The following SNCAIP variants were observed in gnomAD, a reference collection of about 807,000 sequenced individuals.
SNCAIP encodes the protein synuclein alpha interacting protein.
In SNCAIP, 43 loss-of-function variants were observed where a neutral mutation model predicts 86.7. The observed-to-expected ratio is 0.50, with a 90% CI of 0.39 to 0.64. The LOEUF is 0.64. Among genes scored for constraint, SNCAIP ranks in the 30% least tolerant of loss-of-function variants. The pLI is 0.00. For missense variants in SNCAIP, 981 were observed against 1,103.1 expected (o/e 0.89, Z 1.57); for synonymous variants, 417 against 427.2 (o/e 0.98, Z 0.29).
chr5:122,377,728 C>A (rs1382963208), intron 1 of SNCAIP, among the ~76,000 whole-genome samples: 2 of 138,266 alleles, frequency 1.4e-5, no homozygotes, highest in Non-Finnish European at 3.1e-5. Flanking sequence ...TGTGATATTC[C>A]CCTTCCTGTG....
At position 122,451,204 on chromosome 5, in the gene SNCAIP, C is replaced by CTGCT. The variant is rs1037450974; in HGVS notation, c.2358_2361dup (p.Ala788CysfsTer21). ...CCTCAGCAGCCCAGCCCTGACAGTA[C>CTGCT]TGCTGCCCAGAAAGTTGCCACAAGT... On this transcript the variant is annotated frameshift_variant, in exon 10 of 11. Coordinates refer to ENST00000261368, the MANE Select transcript of SNCAIP (RefSeq NM_005460.4). LOFTEE classifies it high-confidence loss of function. 1 of 1,614,050 alleles carries CTGCT rather than the reference C, an allele frequency of 6.2e-7. No individual in the cohort carries two copies. Among genetic ancestry groups the CTGCT allele is most frequent in the African/African-American group, 1.3e-5 (1 of 74,914 alleles).
intron 7 of SNCAIP, among the ~76,000 whole-genome samples, chr5:122,443,004 G>A (rs1781404111): frequency 6.6e-6 from 1 of 152,172 alleles, no homozygotes; most frequent in Non-Finnish European, 1.5e-5. Flanking sequence ...AAACTGCAGA[G>A]GTCAGGGCCA....
At chr5:122,375,471 C>CTTTTTTTTTTTTTTTTTTTTTTTTTTTT (rs35995238) in intron 1 of SNCAIP, among the ~76,000 whole-genome samples, 1 of 115,612 alleles carries the variant, frequency 8.6e-6, no homozygotes, top group African/African-American at 3.1e-5. Context: ...TAGATTTTTG[C>CTTTTTTTTTTTTTTTTTTTTTTTTTTTT]TTTTTTTTTT....
intron 1 of SNCAIP, among the ~76,000 whole-genome samples, chr5:122,384,699 A>G (rs1264900638): frequency 6.6e-6 from 1 of 152,244 alleles, no homozygotes; most frequent in African/African-American, 2.4e-5. Flanking sequence ...GAAGAAATGC[A>G]GGCTCTCCTC....
intron 1 of SNCAIP, among the ~76,000 whole-genome samples, chr5:122,331,115 C>T (rs1056017718): frequency 1.3e-5 from 2 of 152,172 alleles, no homozygotes; most frequent in Admixed American, 6.5e-5. Context: ...GGTGTAAACA[C>T]AGAGGAAGCT....
chr5:122,320,708 C>G (rs1233191676), intron 1 of SNCAIP, among the ~76,000 whole-genome samples: 10 of 152,106 alleles, frequency 6.6e-5, no homozygotes, highest in Admixed American at 2.6e-4. Context: ...TAATCTCAGT[C>G]CCCGCTTTGC....
In SNCAIP at chr5:122,387,476, C is replaced by A. The variant is rs551844929; in HGVS notation, c.-46-3613C>A. Among the ~76,000 whole-genome samples the A allele has an allele frequency of 3.3e-5, 5 of 152,252 alleles. No homozygotes were observed. The South Asian group carries it at 1.0e-3, about 32-fold the overall frequency. Reference sequence around the variant, plus strand: ...CCTACATAAAGGATTTTAAGCTGGCCTGCCCTTTCTGGAAAGCGTAAAAAA... The same window carrying A: ...CCTACATAAAGGATTTTAAGCTGGCATGCCCTTTCTGGAAAGCGTAAAAAA... On this transcript the variant is annotated intron_variant, in intron 1 of 10. Coordinates refer to ENST00000261368, the MANE Select transcript of SNCAIP (RefSeq NM_005460.4).
intron 1 of SNCAIP, among the ~76,000 whole-genome samples, chr5:122,342,442 G>A (rs1757780611): frequency 6.6e-6 from 1 of 152,110 alleles, no homozygotes; most frequent in African/African-American, 2.4e-5. Context: ...CACATCACTG[G>A]ATGTGGATTT....
At chr5:122,361,628 G>T (rs894073609) in intron 1 of SNCAIP, among the ~76,000 whole-genome samples, 5 of 152,160 alleles carry the variant, frequency 3.3e-5, no homozygotes, top group African/African-American at 1.2e-4. Context: ...CCTTGAAACT[G>T]TGGGAGGCTG....
At chr5:122,379,575 C>T (rs1314044113) in intron 1 of SNCAIP, among the ~76,000 whole-genome samples, 17 of 149,156 alleles carry the variant, frequency 1.1e-4, no homozygotes, top group East Asian at 6.0e-4. Context: ...TCCAACACTA[C>T]GTTGAATAGG....
At position 122,441,341 on chromosome 5, in the gene SNCAIP, A is replaced by T. The variant is rs112240011; in HGVS notation, c.1422+587A>T. 633 of 154,980 alleles carry T rather than the reference A, an allele frequency of 4.1e-3. 5 individuals are homozygous for T. The highest frequency in any genetic ancestry group is 0.031 in the South Asian group (156 of 5,002). The allele number at this position is 154,980 out of a possible 1,614,324, so 9.6% of individuals were successfully genotyped here. On this transcript the variant is annotated intron_variant, in intron 7 of 10. Transcript: ENST00000261368. ...CTCTCCGCCCTTGGGCAGGCCACCC[A>T]GGGCCTTGATTGCCCAACCACTGCA...
intron 1 of SNCAIP, among the ~76,000 whole-genome samples, chr5:122,357,004 TC>T (rs1278394340): frequency 2.0e-5 from 3 of 152,044 alleles, no homozygotes; most frequent in Non-Finnish European, 4.4e-5. Flanking sequence ...CAAACTCCTT[TC>T]CATGGGCCAT....
chr5:122,450,081 G>C, intron 9 of SNCAIP, 144 bp downstream of exon 9: 1 of 666,746 alleles, frequency 1.5e-6, no homozygotes, highest in East Asian at 2.7e-5. Flanking sequence ...AGAAATCACA[G>C]TGAAAAAGGC....
chr5:122,444,213 C>G (rs1223405388), intron 7 of SNCAIP: 1 of 475,822 alleles, frequency 2.1e-6, no homozygotes, highest in South Asian at 1.5e-5. Flanking sequence ...TCCAGTCTCC[C>G]CCTCTTACAG....
At chr5:122,383,201 G>T (rs1767313778) in intron 1 of SNCAIP, among the ~76,000 whole-genome samples, 1 of 152,206 alleles carries the variant, frequency 6.6e-6, no homozygotes, top group Non-Finnish European at 1.5e-5. Context: ...AGACTCCGTG[G>T]GCGTAGGACC....
chr5:122,341,241 A>G lies in SNCAIP; in HGVS notation c.-47+28957A>G, dbSNP rs562597663. On this transcript the variant is annotated intron_variant, in intron 1 of 10. Coordinates refer to ENST00000261368, the MANE Select transcript of SNCAIP (RefSeq NM_005460.4). ...GAAGTATACAGAGCTTACAGGTTGA[A>G]CAGTCTCAATTCCCTGGCTTCAGCA... Among the ~76,000 whole-genome samples the G allele has an allele frequency of 2.0e-5, 3 of 152,332 alleles. No individual in the cohort carries two copies. In the South Asian group the frequency reaches 6.2e-4, roughly 32 times the overall value.
chr5:122,404,326 A>T (rs144593233), intron 3 of SNCAIP, among the ~76,000 whole-genome samples: 1 of 152,218 alleles, frequency 6.6e-6, no homozygotes, highest in African/African-American at 2.4e-5. Context: ...AATAAGGCAT[A>T]CTGTAACAGT....
chr5:122,404,977 T>G (rs954561040), intron 3 of SNCAIP, among the ~76,000 whole-genome samples: 2 of 152,248 alleles, frequency 1.3e-5, no homozygotes, highest in Non-Finnish European at 2.9e-5. Flanking sequence ...ATAAAAGCTT[T>G]TACTTACCTT....
chr5:122,411,162 C>A (rs1774036556), intron 3 of SNCAIP, among the ~76,000 whole-genome samples: 1 of 152,126 alleles, frequency 6.6e-6, no homozygotes, highest in Admixed American at 6.6e-5. Context: ...TAAAGGAAAT[C>A]TGCAGTAAAA....
Sources: gnomAD v4.1 joint callset for allele counts (sites outside exome capture counted in the v4.1 genomes callset) on GRCh38, gnomAD v4.1.1 for gene constraint, MANE v1.5 for transcripts, NCBI Gene and HGNC (gene_info 2026-07-23, HGNC 2026-07-21) for gene names.